IL17RC: variants seen among roughly 807,000 people sequenced by gnomAD.
IL17RC encodes interleukin 17 receptor C, also known as interleukin-17 receptor C.
IL17RC carries 53 observed loss-of-function variants against 86.7 expected under a neutral mutation model. That is an observed-to-expected ratio of 0.61 (90% CI 0.49 to 0.77). The LOEUF (loss-of-function observed/expected upper bound fraction) is 0.77, where lower values mean the gene tolerates loss of function less well. Ranked by LOEUF, IL17RC falls within the 30% of genes least tolerant of loss-of-function variation. IL17RC has a pLI of 0.00. For missense variants in IL17RC, 957 were observed against 940.0 expected, an observed-to-expected ratio of 1.02 and a Z score of -0.24; for synonymous variants, 439 against 413.1, an observed-to-expected ratio of 1.06 and a Z score of -0.76.
At chr3:9,927,891 G>A (rs1043451055) in intron 9 of IL17RC, among the ~76,000 whole-genome samples, 10 of 151,896 alleles carry the variant, frequency 6.6e-5, no homozygotes, top group Non-Finnish European at 1.3e-4. Flanking sequence ...GGAGGTTGTA[G>A]TGAGCCAAGA....
chr3:9,930,611 C>G lies in IL17RC; in HGVS notation c.1338+152C>G. On this transcript the variant is annotated intron_variant, in intron 15 of 18. Coordinates refer to ENST00000403601, the MANE Select transcript of IL17RC (RefSeq NM_153460.4). The surrounding 1 kb of genome is among the most constrained non-coding windows in gnomAD (Gnocchi z 5.8). ...ACAGTTCCTATCCCCAAGGAGCACA[C>G]TGTTGGCTAGACACCCATAAACAGA... is the stretch of plus-strand genomic sequence containing the variant. 2 of 790,490 alleles carry G rather than the reference C, an allele frequency of 2.5e-6. No individual in the cohort carries two copies. The highest frequency in any genetic ancestry group is 4.1e-6 in the Non-Finnish European group (2 of 484,034). The allele number at this position is 790,490 out of a possible 1,614,324, so 49.0% of individuals were successfully genotyped here. A position where few individuals can be genotyped will look rare whatever the true frequency, so the allele number is the denominator to read the frequency against.
At chr3:9,921,712 C>T (rs1489037737) in intron 7 of IL17RC, among the ~76,000 whole-genome samples, 1 of 150,716 alleles carries the variant, frequency 6.6e-6, no homozygotes, top group Non-Finnish European at 1.5e-5. Flanking sequence ...GCAAGCTCCG[C>T]CTCCCAGGTT....
rs199651841 is a variant in IL17RC, at chr3:9,917,907, G to A, written c.128-16G>A. Reference sequence around the variant, plus strand: ...CTTGGAACAGCTTCAGCTCCCACCCGCTCCTCCACACACAGACAGTGACAT... The same window carrying A: ...CTTGGAACAGCTTCAGCTCCCACCCACTCCTCCACACACAGACAGTGACAT... On this transcript the variant is annotated splice_polypyrimidine_tract_variant and intron_variant, in intron 2 of 18. Transcript: ENST00000403601. 1.9e-5 allele frequency: 30 copies of A among 1,612,650 alleles called. No individual in the cohort carries two copies. In the East Asian group the frequency reaches 2.7e-4, roughly 14 times the overall value.
intron 9 of IL17RC, among the ~76,000 whole-genome samples, chr3:9,926,900 G>C (rs1038429236): frequency 2.0e-5 from 3 of 152,178 alleles, no homozygotes; most frequent in African/African-American, 7.2e-5. Flanking sequence ...GATTACAGGG[G>C]TGAGCCACCG....
chr3:9,926,651 T>A lies in IL17RC; in HGVS notation c.823-1515T>A, dbSNP rs555242476. On this transcript the variant is annotated intron_variant, in intron 9 of 18. Coordinates refer to ENST00000403601, the MANE Select transcript of IL17RC (RefSeq NM_153460.4). ...TTTTTTTGTCTTTTTTGAGACAGAG[T>A]CTCGCTCTATTGGCAGGCTGGAGTA... 1.6e-4 allele frequency among the ~76,000 whole-genome samples: 25 copies of A among 151,914 alleles called. 1 individual carries two copies. The South Asian group carries it at 4.4e-3, about 26-fold the overall frequency.
intron 9 of IL17RC, 24 bp from the exon 10 acceptor site, chr3:9,928,142 A>G (rs932141555): frequency 1.5e-5 from 24 of 1,611,716 alleles, no homozygotes; most frequent in Non-Finnish European, 2.0e-5. Flanking sequence ...AGGGGACCTG[A>G]GCAGACCCCC....
Position 9,930,812 on chromosome 3 carries a change from T to G in IL17RC, c.1339-83T>G. ...AGATATGCATAGTTGATGCTGGGAA[T>G]TTGGAGATCAGGCCACCAGAGCTTG... On this transcript the variant is annotated intron_variant, in intron 15 of 18. Transcript: ENST00000403601. This position sits in a 1 kb window ranked among gnomAD's most constrained non-coding sequence, Gnocchi z 5.8. 8.0e-7 allele frequency: 1 copy of G among 1,247,678 alleles called. No homozygotes were observed. The highest frequency in any genetic ancestry group is 1.2e-6 in the Non-Finnish European group (1 of 845,964). The allele number at this position is 1,247,678 out of a possible 1,614,324, so 77.3% of individuals were successfully genotyped here. A position where few individuals can be genotyped will look rare whatever the true frequency, so the allele number is the denominator to read the frequency against.
Position 9,918,053 on chromosome 3 carries a change from G to GC in IL17RC, c.258_259insC (p.Ala87ArgfsTer14). Reference sequence around the variant, plus strand: ...CCGACTGTGACCTCTGTCTGCGTGTGGCTGTCCACTTGGCCGTGCATGGTG... The same window carrying GC: ...CCGACTGTGACCTCTGTCTGCGTGTGCGCTGTCCACTTGGCCGTGCATGGTG... On this transcript the variant is annotated frameshift_variant, in exon 3 of 19. Coordinates refer to ENST00000403601, the MANE Select transcript of IL17RC (RefSeq NM_153460.4). LOFTEE classifies it high-confidence loss of function. 6.3e-7 allele frequency: 1 copy of GC among 1,590,724 alleles called. No homozygotes were observed. The highest frequency in any genetic ancestry group is 1.1e-5 in the South Asian group (1 of 88,388).
Position 9,917,421 on chromosome 3 carries a change from G to C in IL17RC, c.105+1G>C, listed in dbSNP as rs748422918. The C allele has an allele frequency of 3.7e-6, 6 of 1,614,094 alleles. No individual in the cohort carries two copies. Among genetic ancestry groups the C allele is most frequent in the Non-Finnish European group, 5.1e-6 (6 of 1,180,038 alleles). On this transcript the variant is annotated splice_donor_variant, in intron 1 of 18. Coordinates refer to ENST00000403601, the MANE Select transcript of IL17RC (RefSeq NM_153460.4). LOFTEE classifies it high-confidence loss of function. The stretch of plus-strand genomic sequence containing the variant: ...TCAGGACGCTACCCACTGCTCTCCG[G>C]TGAGTCTGGAACCCTGGGGAGACGA...
Position 9,932,708 on chromosome 3 carries a change from GC to G in IL17RC, c.1483+6del, listed in dbSNP as rs2084864303. 6.2e-7 allele frequency: 1 copy of G among 1,614,118 alleles called. No individual in the cohort carries two copies. Among genetic ancestry groups the G allele is most frequent in the African/African-American group, 1.3e-5 (1 of 75,058 alleles). On this transcript the variant is annotated splice_donor_region_variant and intron_variant, in intron 17 of 18. Coordinates refer to ENST00000403601, the MANE Select transcript of IL17RC (RefSeq NM_153460.4). ...TCAAAAAGGATCACGCGAAAGGTGA[GC>G]GCTTCCCGGCTCCCCATTCCCCTGG...
Position 9,928,435 on chromosome 3 carries a change from C to T in IL17RC, c.1008C>T (p.Asp336=), listed in dbSNP as rs772935779. 6.2e-7 allele frequency: 1 copy of T among 1,607,188 alleles called. No individual in the cohort carries two copies. The highest frequency in any genetic ancestry group is 8.5e-7 in the Non-Finnish European group (1 of 1,179,078). The change falls in exon 11 of 19, where the codon GAC becomes GAT. Residue 336 remains aspartate (D), a synonymous_variant. Coordinates refer to ENST00000403601, the MANE Select transcript of IL17RC (RefSeq NM_153460.4). ...TGTGCTGGCGGGCTCCGGGTGGGGA[C>T]CCCTGCCAGCCACTGGTCCCACCGC... ...AALCWRAPGG[D]PCQPLVPPLS...
intron 9 of IL17RC, 65 bp from the exon 10 acceptor site, chr3:9,928,101 G>A (rs2084265364): frequency 4.7e-6 from 7 of 1,500,104 alleles, no homozygotes; most frequent in Non-Finnish European, 9.3e-7. Flanking sequence ...CATCCCCACT[G>A]TCCAGCAGAG....
chr3:9,918,703 T>A, intron 5 of IL17RC, 94 bp downstream of exon 5: 1 of 867,796 alleles, frequency 1.2e-6, no homozygotes, highest in Non-Finnish European at 1.9e-6. Flanking sequence ...AGAATTAAAT[T>A]TATTGAAACC....
Position 9,932,699 on chromosome 3 carries a change from G to T in IL17RC, c.1479G>T (p.Ala493=), listed in dbSNP as rs1429001804. 1 of 1,614,154 alleles carries T rather than the reference G, an allele frequency of 6.2e-7. No homozygotes were observed. Among genetic ancestry groups the T allele is most frequent in the Non-Finnish European group, 8.5e-7 (1 of 1,180,012 alleles). Residue 493 remains alanine, a synonymous_variant, in exon 17 of 19, where the codon GCG becomes GCT. Transcript: ENST00000403601. ...SLILLLKKDH[A]KGWLRLLKQD... ...TCCTCCTTCTCAAAAAGGATCACGC[G>T]AAAGGTGAGCGCTTCCCGGCTCCCC...
rs750351615 is a variant in IL17RC at position 9,931,470 on chromosome 3, C to CACACACACACATATATATATAT, written c.1387+528_1387+529insCACACACACATATATATATATA. Among the ~76,000 whole-genome samples, 7 of 43,736 alleles carry CACACACACACATATATATATAT rather than the reference C, an allele frequency of 1.6e-4. No individual in the cohort carries two copies. The South Asian group carries it at 3.6e-3, about 22-fold the overall frequency. The allele number at this position is 43,736 out of a possible 152,430, so 28.7% of individuals were successfully genotyped here. ...TATATATTTCACACACACACACACA[C>CACACACACACATATATATATAT]ATATATATATATATATATATATATA... is the stretch of plus-strand genomic sequence containing the variant. On this transcript the variant is annotated intron_variant, in intron 16 of 18. Transcript: ENST00000403601.
rs1032684534 is a variant in IL17RC, at chr3:9,924,062, G to A, written c.762+42G>A. 7 of 1,611,506 alleles carry A rather than the reference G, an allele frequency of 4.3e-6. No individual in the cohort carries two copies. The East Asian group carries it at 6.7e-5, about 15-fold the overall frequency. On this transcript the variant is annotated intron_variant, in intron 8 of 18. Coordinates refer to ENST00000403601, the MANE Select transcript of IL17RC (RefSeq NM_153460.4). Reference sequence around the variant, plus strand: ...CCCAAGTCCATTCCCACTGTAGGCCGATGCCTGTGCAAAGGACGCAGTGCC... The same window carrying A: ...CCCAAGTCCATTCCCACTGTAGGCCAATGCCTGTGCAAAGGACGCAGTGCC...
chr3:9,917,664 C>T, intron 1 of IL17RC, 49 bp from the exon 2 acceptor site: 2 of 1,613,844 alleles, frequency 1.2e-6, no homozygotes, highest in Non-Finnish European at 8.5e-7. Flanking sequence ...GAGAACAGTG[C>T]CTAGATGGTG....
rs1173710218 is a variant in IL17RC, at chr3:9,933,441, G to A, written c.2011G>A (p.Ala671Thr). The change falls in exon 19 of 19, where the codon GCC becomes ACC. Residue 671 changes from alanine to threonine, a missense_variant. Physicochemically the swap from Ala to Thr is moderately conservative, Grantham distance 58 (BLOSUM62 0). Coordinates refer to ENST00000403601, the MANE Select transcript of IL17RC (RefSeq NM_153460.4). ...CCTGGGGGCCCTGCAGCAGCCTCGC[G>A]CCCCGCGTTCCGGGCGGCTCCAAGA... Reference protein sequence around the residue: ...DFLGALQQPRAPRSGRLQERA... With the variant: ...DFLGALQQPRTPRSGRLQERA... The A allele has an allele frequency of 6.2e-7, 1 of 1,613,174 alleles. No homozygotes were observed. The highest frequency in any genetic ancestry group is 2.2e-5 in the East Asian group (1 of 44,870).
chr3:9,920,440 C>G (rs115794712), intron 5 of IL17RC, 51 bp from the exon 6 acceptor site: 66,359 of 1,152,450 alleles, frequency 0.058, 2,634 homozygotes, highest in Non-Finnish European at 0.068. Flanking sequence ...CAGCCCTTGG[C>G]CTGGATTCTG....
Sources: gnomAD v4.1 joint callset for allele counts (sites outside exome capture counted in the v4.1 genomes callset) on GRCh38, gnomAD v4.1.1 for gene constraint, Gnocchi (gnomAD v3.1) non-coding constraint, MANE v1.5 for transcripts, NCBI Gene and HGNC (gene_info 2026-07-23, HGNC 2026-07-21) for gene names.